Variants in MYH9 observed in about 807,000 individuals in gnomAD.
MYH9 encodes the protein myosin-9.
A neutral mutation model predicts 241.9 loss-of-function variants in MYH9; 29 were observed. The observed-to-expected ratio is 0.12, with a 90% CI of 0.09 to 0.16. The LOEUF is 0.16. MYH9 is among the 10% of genes least tolerant of loss of function. The pLI, the probability that MYH9 is intolerant of heterozygous loss-of-function variation, is 1.00. For synonymous variants in MYH9, 1,047 were observed against 1,062.6 expected (o/e 0.99, Z 0.29); for missense variants, 1,803 against 2,595.5 (o/e 0.69, Z 6.63).
intron 1 of MYH9, among the ~76,000 whole-genome samples, chr22:36,365,946 T>A (rs2018003830): frequency 6.6e-6 from 1 of 152,088 alleles, no homozygotes. Flanking sequence ...CCAGGCGCTT[T>A]GGGAGGCTGA....
At chr22:36,319,477 C>G (rs1218942958) in intron 10 of MYH9, 63 bp downstream of exon 10, 1 of 1,505,208 alleles carries the variant, frequency 6.6e-7, no homozygotes, top group East Asian at 2.3e-5. Flanking sequence ...GACCTTCCCT[C>G]CTGAGCAAAT....
intron 19 of MYH9, 45 bp from the exon 20 acceptor site, chr22:36,302,721 AC>A: frequency 6.6e-7 from 1 of 1,526,492 alleles, no homozygotes; most frequent in Non-Finnish European, 9.1e-7. Context: ...TGGACAGCAG[AC>A]CCGACCTAAC....
At position 36,304,206 on chromosome 22, in the gene MYH9, C is replaced by T. The variant is rs1175335053; in HGVS notation, c.2230-51G>A. Reference sequence around the variant, plus strand: ...CCTGGCCAGCAACTGGCCACAGCTCCATGAAAGGGTGGCCCAGGCACAGCT... The same window carrying T: ...CCTGGCCAGCAACTGGCCACAGCTCTATGAAAGGGTGGCCCAGGCACAGCT... On this transcript the variant is annotated intron_variant, in intron 18 of 40. Transcript: ENST00000216181. 10 of 1,603,714 alleles carry T rather than the reference C, an allele frequency of 6.2e-6. 1 individual carries two copies. The East Asian group carries it at 1.8e-4, about 29-fold the overall frequency.
intron 1 of MYH9, among the ~76,000 whole-genome samples, chr22:36,364,422 G>A (rs1057099835): frequency 3.9e-5 from 6 of 152,026 alleles, no homozygotes; most frequent in South Asian, 2.1e-4. Context: ...TCAAATCTGC[G>A]TCACCCACTC....
intron 34 of MYH9, among the ~76,000 whole-genome samples, chr22:36,287,221 G>A (rs2016600920): frequency 6.6e-6 from 1 of 152,154 alleles, no homozygotes; most frequent in South Asian, 2.1e-4. Context: ...CTTTCCTTTT[G>A]TTATTCTCCT....
At chr22:36,291,917 G>A in intron 31 of MYH9, 69 bp downstream of exon 31, 1 of 1,609,384 alleles carries the variant, frequency 6.2e-7, no homozygotes. Context: ...TTTCTCTGAT[G>A]GGCCCTTTGC....
chr22:36,294,191 C>T lies in MYH9; in HGVS notation c.3738G>A (p.Lys1246=). 6.2e-7 allele frequency: 1 copy of T among 1,614,028 alleles called. No homozygotes were observed. Among genetic ancestry groups the T allele is most frequent in the Non-Finnish European group, 8.5e-7 (1 of 1,180,046 alleles). The change falls in exon 28 of 41, where the codon AAG becomes AAA. Residue 1246 remains lysine (K), a synonymous_variant. Coordinates refer to ENST00000216181, the MANE Select transcript of MYH9 (RefSeq NM_002473.6). ...LLQGKGDSEH[K]RKKVEAQLQE... Reference sequence around the variant, plus strand: ...GCAGCTGCGCCTCCACTTTCTTGCGCTTGTGCTCCGAGTCCCCTTTGCCCT... The same window carrying T: ...GCAGCTGCGCCTCCACTTTCTTGCGTTTGTGCTCCGAGTCCCCTTTGCCCT...
chr22:36,321,658 A>G (rs1045565408), intron 7 of MYH9, 100 bp downstream of exon 7: 4 of 1,155,614 alleles, frequency 3.5e-6, no homozygotes, highest in Non-Finnish European at 5.2e-6. Context: ...ATGGGCCCAT[A>G]AAGGGGAAAG....
Position 36,295,182 on chromosome 22 carries a change from C to T in MYH9, c.3486-106G>A, listed in dbSNP as rs1346976007. 11 of 1,511,984 alleles carry T rather than the reference C, an allele frequency of 7.3e-6. No homozygotes were observed. The highest frequency in any genetic ancestry group is 1.4e-5 in the African/African-American group (1 of 72,724). 93.7% of individuals were successfully genotyped at this position (1,511,984 alleles called of 1,614,324 possible). A position where few individuals can be genotyped will look rare whatever the true frequency, so the allele number is the denominator to read the frequency against. On this transcript the variant is annotated intron_variant, in intron 26 of 40. Coordinates refer to ENST00000216181, the MANE Select transcript of MYH9 (RefSeq NM_002473.6). The surrounding 1 kb of genome is among the most constrained non-coding windows in gnomAD (Gnocchi z 4.1). ...GAGGCCTGGCCAGGGCACAGGCACTCCAGGCAGCTTTTCTACCCACCGGCC... is the reference window on the plus strand; with the variant it reads ...GAGGCCTGGCCAGGGCACAGGCACTTCAGGCAGCTTTTCTACCCACCGGCC...
chr22:36,346,760 A>G (rs934268528), intron 2 of MYH9, among the ~76,000 whole-genome samples: 1 of 152,044 alleles, frequency 6.6e-6, no homozygotes, highest in African/African-American at 2.4e-5. Context: ...ACGCCACACT[A>G]TGCCCATCTA....
intron 1 of MYH9, among the ~76,000 whole-genome samples, chr22:36,378,207 G>A (rs145135374): frequency 2.8e-4 from 42 of 152,136 alleles, no homozygotes; most frequent in Non-Finnish European, 5.3e-4. Context: ...GACGGAGGCC[G>A]AGGCTGTAGT....
chr22:36,334,702 G>A (rs2017472301), intron 3 of MYH9, among the ~76,000 whole-genome samples: 2 of 152,188 alleles, frequency 1.3e-5, no homozygotes, highest in African/African-American at 2.4e-5. Context: ...CTCCGTGGAA[G>A]GCGGGGCAGT....
At chr22:36,356,283 TAAGA>T (rs2017854344) in intron 1 of MYH9, among the ~76,000 whole-genome samples, 1 of 152,112 alleles carries the variant, frequency 6.6e-6, no homozygotes, top group African/African-American at 2.4e-5. Flanking sequence ...CTTCCATTGT[TAAGA>T]AAGATTCTTT....
intron 2 of MYH9, among the ~76,000 whole-genome samples, chr22:36,342,666 GACTCCCAAGACC>G (rs1337684073): frequency 1.3e-5 from 2 of 151,200 alleles, no homozygotes; most frequent in African/African-American, 4.9e-5. Context: ...AGCTGCGCAA[GACTCCCAAGACC>G]ACCCAGGGTG....
At chr22:36,299,644 C>G (rs1240850816) in intron 23 of MYH9, among the ~76,000 whole-genome samples, 1 of 152,182 alleles carries the variant, frequency 6.6e-6, no homozygotes, top group Non-Finnish European at 1.5e-5. Context: ...GGTGGGGAGG[C>G]TGCCTTCTCC....
At chr22:36,324,053 AGGCT>A (rs973913891) in intron 5 of MYH9, among the ~76,000 whole-genome samples, 8 of 152,248 alleles carry the variant, frequency 5.3e-5, no homozygotes, top group African/African-American at 1.7e-4. Context: ...CCAGGCTGCC[AGGCT>A]GGCTGAACCG....
At chr22:36,346,347 C>T (rs138630816) in intron 2 of MYH9, among the ~76,000 whole-genome samples, 1 of 152,322 alleles carries the variant, frequency 6.6e-6, no homozygotes, top group African/African-American at 2.4e-5. Context: ...CGGGCAAATA[C>T]AATGGCCCAT....
chr22:36,289,396 C>A, intron 31 of MYH9, 99 bp from the exon 32 acceptor site: 1 of 1,158,808 alleles, frequency 8.6e-7, no homozygotes. Flanking sequence ...GCCCAGAGGC[C>A]ACGGTGGAGA....
intron 5 of MYH9, among the ~76,000 whole-genome samples, chr22:36,322,732 T>C (rs1279567419): frequency 1.3e-5 from 2 of 152,238 alleles, no homozygotes; most frequent in African/African-American, 4.8e-5. Flanking sequence ...TTTGGAAACC[T>C]TGGTCAGTTT....
Sources: allele counts gnomAD v4.1 joint callset (sites outside exome capture counted in the v4.1 genomes callset), GRCh38; gene constraint gnomAD v4.1.1; non-coding constraint Gnocchi (gnomAD v3.1); transcripts MANE v1.5; gene names NCBI Gene and HGNC (gene_info 2026-07-23, HGNC 2026-07-21).